Variants in TECPR2 observed in about 807,000 individuals in gnomAD.
TECPR2 encodes tectonin beta-propeller repeat containing 2.
Under a neutral mutation model 138.1 loss-of-function variants are expected in TECPR2, and 65 were observed. The observed-to-expected ratio is 0.47, with a 90% CI of 0.39 to 0.58. The LOEUF is 0.58. TECPR2 is among the 20% of genes least tolerant of loss of function. The pLI, the probability that TECPR2 is intolerant of heterozygous loss-of-function variation, is 0.00. For synonymous variants in TECPR2, 746 were observed against 749.8 expected (o/e 0.99, Z 0.08); for missense variants, 1,553 against 1,824.5 (o/e 0.85, Z 2.71).
At chr14:102,484,924 G>A (rs979493605) in intron 17 of TECPR2, among the ~76,000 whole-genome samples, 1 of 152,266 alleles carries the variant, frequency 6.6e-6, no homozygotes, top group Non-Finnish European at 1.5e-5. Flanking sequence ...TTCCCAAAGT[G>A]CTGGGATTAC....
chr14:102,458,697 A>G (rs1331785976), intron 16 of TECPR2, among the ~76,000 whole-genome samples: 1 of 152,026 alleles, frequency 6.6e-6, no homozygotes, highest in African/African-American at 2.4e-5. Context: ...CCTGGGGCCT[A>G]GCATTCCTTC....
chr14:102,408,497 T>G lies in TECPR2; in HGVS notation c.358T>G (p.Phe120Val). The change falls in exon 4 of 20, where the codon TTT becomes GTT. Residue 120 changes from phenylalanine (F) to valine (V), a missense_variant. Transcript: ENST00000359520. ...TATCCCTTGTTCATAGCTTCGGAGA[T>G]TTGATGTCACTGGTATTCACAAAAA... is the stretch of plus-strand genomic sequence containing the variant. Reference protein sequence around the residue: ...LPGRNKQLRRFDVTGIHKNSI... With the variant: ...LPGRNKQLRRVDVTGIHKNSI... 3 of 1,602,896 alleles carry G rather than the reference T, an allele frequency of 1.9e-6. No individual in the cohort carries two copies. The highest frequency in any genetic ancestry group is 2.5e-6 in the Non-Finnish European group (3 of 1,177,268).
At chr14:102,395,419 G>A (rs1471928978) in intron 2 of TECPR2, among the ~76,000 whole-genome samples, 1 of 152,196 alleles carries the variant, frequency 6.6e-6, no homozygotes, top group Non-Finnish European at 1.5e-5. Context: ...TAATTTTTCT[G>A]AATGAATACT....
intron 17 of TECPR2, among the ~76,000 whole-genome samples, chr14:102,479,587 G>T (rs549766035): frequency 6.6e-6 from 1 of 152,178 alleles, no homozygotes. Flanking sequence ...GGCCTGATTC[G>T]CTGGATTTGT....
chr14:102,458,717 C>G (rs564560656), intron 16 of TECPR2, among the ~76,000 whole-genome samples: 4 of 152,172 alleles, frequency 2.6e-5, no homozygotes, highest in African/African-American at 9.6e-5. Context: ...CCGTGGGCTG[C>G]TTTCCTTCAA....
chr14:102,369,365 A>G (rs750633573), intron 1 of TECPR2, among the ~76,000 whole-genome samples: 5 of 152,102 alleles, frequency 3.3e-5, no homozygotes, highest in Non-Finnish European at 7.4e-5. Context: ...TATGAGGAAA[A>G]ATATTTTTAT....
rs10650505 is a variant in TECPR2, at chr14:102,432,298, T to TACACACACACACAC, written c.1417+181_1417+194dup. On this transcript the variant is annotated intron_variant, in intron 8 of 19. Transcript: ENST00000359520. Reference sequence around the variant, plus strand: ...CAAAATACTTCACATTAACGGAAAATACACACACACACACACACACACACT... The same window carrying TACACACACACACAC: ...CAAAATACTTCACATTAACGGAAAATACACACACACACACACACACACACACACACACACACACT... 8.3e-3 allele frequency among the ~76,000 whole-genome samples: 1,235 copies of TACACACACACACAC among 148,882 alleles called. 5 individuals carry two copies. Among genetic ancestry groups the TACACACACACACAC allele is most frequent in the Middle Eastern group, 0.014 (4 of 288 alleles).
chr14:102,374,364 TTTTA>T (rs1335193519), intron 1 of TECPR2, among the ~76,000 whole-genome samples: 1 of 152,192 alleles, frequency 6.6e-6, no homozygotes, highest in Non-Finnish European at 1.5e-5. Flanking sequence ...CATATTTTCC[TTTTA>T]TTTATTTATT....
chr14:102,432,099 T>A lies in TECPR2; in HGVS notation c.1388T>A (p.Val463Glu). ...GAGCTTGTCGTGAAGCCTATCAAAG[T>A]GAAAAGGAAGAAGAAGAAGAAGAAG... ...DQELVVKPIK[V>E]KRKKKKKKTE... Residue 463 changes from valine to glutamate, a missense_variant, in exon 8 of 20, where the codon GTG (valine) becomes GAG (glutamate). Physicochemically the swap from Val to Glu is moderately radical, Grantham distance 121 (BLOSUM62 -2). Transcript: ENST00000359520. 6.3e-7 allele frequency: 1 copy of A among 1,598,448 alleles called. No homozygotes were observed. The highest frequency in any genetic ancestry group is 8.5e-7 in the Non-Finnish European group (1 of 1,170,646).
At chr14:102,382,403 TA>T (rs1887861089) in intron 2 of TECPR2, among the ~76,000 whole-genome samples, 1 of 152,166 alleles carries the variant, frequency 6.6e-6, no homozygotes, top group Admixed American at 6.6e-5. Flanking sequence ...CAGATTCGTA[TA>T]TGTCCCTTAA....
chr14:102,408,202 A>G (rs1297626222), intron 3 of TECPR2, among the ~76,000 whole-genome samples: 2 of 151,880 alleles, frequency 1.3e-5, no homozygotes, highest in South Asian at 2.1e-4. Context: ...GAAGCTTAAC[A>G]CTGTGCTGTT....
In TECPR2 at chr14:102,376,932, A is replaced by G. The variant is rs780910412; in HGVS notation, c.211A>G (p.Asn71Asp). 6.8e-6 allele frequency: 11 copies of G among 1,613,284 alleles called. No individual in the cohort carries two copies. Among genetic ancestry groups the G allele is most frequent in the Non-Finnish European group, 9.3e-6 (11 of 1,179,828 alleles). Residue 71 changes from asparagine (N) to aspartate (D), a missense_variant, in exon 2 of 20, where the codon AAC becomes GAC. Coordinates refer to ENST00000359520, the MANE Select transcript of TECPR2 (RefSeq NM_014844.5). Reference protein sequence around the residue: ...CRHLNQMRKYNFEGKTESITV... With the variant: ...CRHLNQMRKYDFEGKTESITV... ...GCACCTCAACCAGATGAGGAAGTAC[A>G]ACTTTGAGGTGAGCCTTGCTTTGCT...
chr14:102,365,502 A>G lies in TECPR2; in HGVS notation c.-73+2386A>G, dbSNP rs562454641. On this transcript the variant is annotated intron_variant, in intron 1 of 19. Transcript: ENST00000359520. ...GAAAGCTGATGGATGCACAAACAAA[A>G]CGTGGCCTGTCTACACAATGGAAGG... 9.2e-5 allele frequency among the ~76,000 whole-genome samples: 14 copies of G among 152,284 alleles called. No individual in the cohort carries two copies. The East Asian group carries it at 2.3e-3, about 25-fold the overall frequency.
intron 5 of TECPR2, among the ~76,000 whole-genome samples, chr14:102,418,865 T>C (rs990862151): frequency 2.6e-5 from 4 of 151,902 alleles, no homozygotes; most frequent in African/African-American, 9.7e-5. Context: ...GAGGGATGAG[T>C]TGGAGATGAT....
chr14:102,397,937 G>A (rs1888358765), intron 2 of TECPR2, among the ~76,000 whole-genome samples: 1 of 151,664 alleles, frequency 6.6e-6, no homozygotes, highest in African/African-American at 2.4e-5. Context: ...GCTGGGCGTG[G>A]TGGCACAAGC....
At chr14:102,386,207 G>A (rs762622541) in intron 2 of TECPR2, among the ~76,000 whole-genome samples, 9 of 151,734 alleles carry the variant, frequency 5.9e-5, no homozygotes, top group East Asian at 3.9e-4. Context: ...GGTGGCTCAC[G>A]CCTATAATCC....
At chr14:102,498,049 C>CCAAGCTCCCAGCTCCATCTGTGCA in intron 19 of TECPR2, 54 bp from the exon 20 acceptor site, 1 of 1,584,258 alleles carries the variant, frequency 6.3e-7, no homozygotes, top group South Asian at 1.2e-5. Flanking sequence ...CCATCTGTGC[C>CCAAGCTCCCAGCTCCATCTGTGCA]CACCCCACAG....
intron 4 of TECPR2, among the ~76,000 whole-genome samples, chr14:102,413,377 G>A (rs958607022): frequency 1.4e-5 from 2 of 148,120 alleles, no homozygotes; most frequent in African/African-American, 4.9e-5. Context: ...TATATATAAT[G>A]TATATATATA....
intron 17 of TECPR2, among the ~76,000 whole-genome samples, chr14:102,479,500 G>A (rs1890837730): frequency 6.6e-6 from 1 of 152,188 alleles, no homozygotes; most frequent in Non-Finnish European, 1.5e-5. Context: ...TGGGCAGTGG[G>A]GGCTGTTGGA....
Sources: allele counts gnomAD v4.1 joint callset (sites outside exome capture counted in the v4.1 genomes callset), GRCh38; gene constraint gnomAD v4.1.1; transcripts MANE v1.5; gene names NCBI Gene and HGNC (gene_info 2026-07-23, HGNC 2026-07-21).